Variants in GLB1 observed in about 807,000 individuals in gnomAD.
GLB1 encodes galactosidase beta 1, also known as beta-galactosidase.
Under a neutral mutation model 74.0 loss-of-function variants are expected in GLB1, and 56 were observed. The observed-to-expected ratio is 0.76, with a 90% CI of 0.61 to 0.94. GLB1 has a LOEUF of 0.94. Ranked by LOEUF, GLB1 falls within the 40% of genes least tolerant of loss-of-function variation. The pLI, the probability that GLB1 is intolerant of heterozygous loss-of-function variation, is 0.00. For missense variants in GLB1, 787 were observed against 845.5 expected, an observed-to-expected ratio of 0.93 and a Z score of 0.86; for synonymous variants, 323 against 323.6, an observed-to-expected ratio of 1.00 and a Z score of 0.02.
chr3:32,970,882 A>G, the GLB1 span, among the ~76,000 whole-genome samples: 2 of 152,204 alleles, frequency 1.3e-5, no homozygotes, highest in African/African-American at 4.8e-5. Flanking sequence ...TAAATCGGAG[A>G]GAGAAAAAGA....
At chr3:33,026,125 C>G (rs1697743383) in intron 10 of GLB1, among the ~76,000 whole-genome samples, 1 of 152,050 alleles carries the variant, frequency 6.6e-6, no homozygotes. Flanking sequence ...GCTGCAGCTA[C>G]CAAGCTGCAG....
At chr3:33,092,447 G>A (rs1354615853) in intron 1 of GLB1, 48 of 1,009,574 alleles carry the variant, frequency 4.8e-5, no homozygotes, top group Non-Finnish European at 5.6e-5. Context: ...TAAAACACCA[G>A]GAGAAAAATG....
At chr3:33,054,370 T>C (rs182541961) in intron 6 of GLB1, among the ~76,000 whole-genome samples, 83 of 152,240 alleles carry the variant, frequency 5.5e-4, no homozygotes, top group Admixed American at 2.0e-3. Flanking sequence ...CCAGAGAACA[T>C]TGCTTCCTCT....
intron 6 of GLB1, among the ~76,000 whole-genome samples, chr3:33,053,909 A>T (rs1374772103): frequency 1.3e-5 from 2 of 152,198 alleles, no homozygotes; most frequent in Non-Finnish European, 2.9e-5. Flanking sequence ...GCTACTCAGG[A>T]GGCTGAGGCA....
At chr3:33,075,438 T>G (rs1460217822) in intron 1 of GLB1, among the ~76,000 whole-genome samples, 1 of 152,226 alleles carries the variant, frequency 6.6e-6, no homozygotes, top group Non-Finnish European at 1.5e-5. Context: ...TACCCTCCAA[T>G]GACCTCAGTC....
intron 15 of GLB1, among the ~76,000 whole-genome samples, chr3:33,011,745 CA>C (rs1256949645): frequency 6.6e-6 from 1 of 151,420 alleles, no homozygotes; most frequent in East Asian, 1.9e-4. Flanking sequence ...TTTTATTAAA[CA>C]CACACCATGT....
chr3:33,089,319 C>G (rs1700653954), intron 1 of GLB1, among the ~76,000 whole-genome samples: 1 of 152,144 alleles, frequency 6.6e-6, no homozygotes, highest in Non-Finnish European at 1.5e-5. Flanking sequence ...AGGTCACAAT[C>G]AGTGAAAAGG....
chr3:33,077,645 G>A (rs1575481950), intron 1 of GLB1, among the ~76,000 whole-genome samples: 1 of 149,050 alleles, frequency 6.7e-6, no homozygotes, highest in Non-Finnish European at 1.5e-5. Flanking sequence ...TTCCTTTATT[G>A]TACATAAAGT....
the GLB1 span, among the ~76,000 whole-genome samples, chr3:32,968,023 G>A: frequency 6.6e-6 from 1 of 152,182 alleles, no homozygotes; most frequent in African/African-American, 2.4e-5. Context: ...GGCAGGAGTG[G>A]CTTTTCAATT....
the GLB1 span, among the ~76,000 whole-genome samples, chr3:32,985,799 G>A: frequency 0.012 from 1,840 of 152,114 alleles, 41 homozygotes; most frequent in African/African-American, 0.042. Flanking sequence ...TCCACCTCCC[G>A]GCTTCAAGCG....
chr3:33,062,948 T>C (rs1575464804), intron 5 of GLB1, among the ~76,000 whole-genome samples: 1 of 152,158 alleles, frequency 6.6e-6, no homozygotes, highest in African/African-American at 2.4e-5. Flanking sequence ...GGCAGAGGCG[T>C]GGAAGGCCAG....
the GLB1 span, among the ~76,000 whole-genome samples, chr3:32,982,019 T>A: frequency 9.9e-5 from 15 of 152,116 alleles, no homozygotes; most frequent in Admixed American, 5.2e-4. Flanking sequence ...TAGTCCTGTA[T>A]ACATCTTGTT....
the GLB1 span, among the ~76,000 whole-genome samples, chr3:32,973,230 A>G: frequency 1.3e-5 from 2 of 152,310 alleles, no homozygotes; most frequent in African/African-American, 4.8e-5. Context: ...AAATCCCACT[A>G]TAATAGAGTG....
chr3:33,020,510 T>C (rs1697422590), intron 12 of GLB1, among the ~76,000 whole-genome samples: 1 of 152,236 alleles, frequency 6.6e-6, no homozygotes, highest in African/African-American at 2.4e-5. Flanking sequence ...GTTGTGTTCA[T>C]GTCCAAAATG....
intron 1 of GLB1, among the ~76,000 whole-genome samples, chr3:33,081,361 T>A (rs1338789073): frequency 6.6e-6 from 1 of 152,118 alleles, no homozygotes; most frequent in African/African-American, 2.4e-5. Flanking sequence ...AAGAGCCCAG[T>A]CCCTATGCTG....
rs9811260 is a variant in GLB1, at chr3:33,073,970, A to T, written c.76-1257T>A. Among the ~76,000 whole-genome samples the T allele has an allele frequency of 4.9e-3, 736 of 149,478 alleles. 5 individuals carry two copies. Among genetic ancestry groups the T allele is most frequent in the African/African-American group, 0.017 (704 of 40,236 alleles). On this transcript the variant is annotated intron_variant, in intron 1 of 15. Coordinates refer to ENST00000307363, the MANE Select transcript of GLB1 (RefSeq NM_000404.4). ...GCCCAGAAGGTTGAGAGTGCAGTGAACCGTGTTCATGCCACTGCACTGCAG... is the reference window on the plus strand; with the variant it reads ...GCCCAGAAGGTTGAGAGTGCAGTGATCCGTGTTCATGCCACTGCACTGCAG...
chr3:33,012,639 G>A (rs1697074597), intron 15 of GLB1, among the ~76,000 whole-genome samples: 1 of 152,098 alleles, frequency 6.6e-6, no homozygotes, highest in East Asian at 1.9e-4. Context: ...AATAGACTAA[G>A]GCAGCTTTTC....
intron 15 of GLB1, among the ~76,000 whole-genome samples, chr3:33,008,987 T>C (rs907032323): frequency 6.6e-6 from 1 of 151,844 alleles, no homozygotes; most frequent in Non-Finnish European, 1.5e-5. Flanking sequence ...GGCGTGGTGG[T>C]GCATGCCTGT....
In GLB1 at chr3:33,093,972, G is replaced by A. The variant is rs748115300; in HGVS notation, c.75+3039C>T. 9 of 1,614,048 alleles carry A rather than the reference G, an allele frequency of 5.6e-6. No homozygotes were observed. The South Asian group carries it at 9.9e-5, about 18-fold the overall frequency. On this transcript the variant is annotated intron_variant, in intron 1 of 15. Transcript: ENST00000307363. The surrounding 1 kb of genome is among the most constrained non-coding windows in gnomAD (Gnocchi z 6.0). ...CTGAAAACAGGTTGACTCTGCAGCT[G>A]GGGAGTGGCAGAGGTTGCTCACTGT...
Sources: gnomAD v4.1 joint callset for allele counts (sites outside exome capture counted in the v4.1 genomes callset) on GRCh38, gnomAD v4.1.1 for gene constraint, Gnocchi (gnomAD v3.1) non-coding constraint, MANE v1.5 for transcripts, NCBI Gene and HGNC (gene_info 2026-07-23, HGNC 2026-07-21) for gene names.